PTGER3: variants seen among roughly 807,000 people sequenced by gnomAD.
PTGER3 encodes the protein prostaglandin E2 receptor EP3 subtype.
In PTGER3, 22 loss-of-function variants were observed where a neutral mutation model predicts 34.7. The observed-to-expected ratio is 0.63, with a 90% CI of 0.45 to 0.91. PTGER3 has a LOEUF of 0.91. Among genes scored for constraint, PTGER3 ranks in the 40% least tolerant of loss-of-function variants. PTGER3 has a pLI of 0.00. For missense variants in PTGER3, 468 were observed against 519.4 expected (o/e 0.90, Z 0.96); for synonymous variants, 241 against 230.1 (o/e 1.05, Z -0.43).
intron 1 of PTGER3, among the ~76,000 whole-genome samples, chr1:71,033,309 C>A (rs868760161): frequency 6.6e-6 from 1 of 152,206 alleles, no homozygotes; most frequent in Non-Finnish European, 1.5e-5. Context: ...TCACTCCAAT[C>A]CCAGTTGTCA....
In PTGER3 at chr1:70,867,546, C is replaced by T. The variant is rs909036611; in HGVS notation, c.*24-14687G>A. Among the ~76,000 whole-genome samples, 3 of 152,150 alleles carry T rather than the reference C, an allele frequency of 2.0e-5. 1 individual carries two copies. The South Asian group carries it at 6.2e-4, about 32-fold the overall frequency. ...GACCAGCCTGGCCAACATGGTGAAGCCCCATCTCTACTAAAAATACAAAAA... is the reference window on the plus strand; with the variant it reads ...GACCAGCCTGGCCAACATGGTGAAGTCCCATCTCTACTAAAAATACAAAAA... On this transcript the variant is annotated intron_variant, in intron 4 of 4. Transcript: ENST00000370931.
intron 2 of PTGER3, among the ~76,000 whole-genome samples, chr1:70,988,690 A>T (rs2300165): frequency 0.15 from 23,288 of 152,168 alleles, 2,540 homozygotes; most frequent in East Asian, 0.44. Flanking sequence ...TACATCCAGA[A>T]TTTACATAAA....
At chr1:70,897,673 T>C (rs1315355296) in intron 4 of PTGER3, among the ~76,000 whole-genome samples, 1 of 152,170 alleles carries the variant, frequency 6.6e-6, no homozygotes, top group Admixed American at 6.5e-5. Flanking sequence ...CCAGCCAAGG[T>C]CCATCACTTC....
intron 4 of PTGER3, among the ~76,000 whole-genome samples, chr1:70,913,295 A>G (rs1225578153): frequency 6.6e-6 from 1 of 151,932 alleles, no homozygotes; most frequent in Non-Finnish European, 1.5e-5. Flanking sequence ...AATTTTTAGT[A>G]GTTCATTGCT....
intron 2 of PTGER3, among the ~76,000 whole-genome samples, chr1:70,976,853 A>G (rs1003554152): frequency 1.3e-5 from 2 of 152,134 alleles, no homozygotes; most frequent in Non-Finnish European, 2.9e-5. Flanking sequence ...TCTTGCAGCC[A>G]TAAAGATTTT....
intron 4 of PTGER3, among the ~76,000 whole-genome samples, chr1:70,909,683 T>C (rs1186223575): frequency 6.6e-6 from 1 of 152,128 alleles, no homozygotes; most frequent in African/African-American, 2.4e-5. Context: ...AGATACAGTG[T>C]CTCCCAACTG....
chr1:70,917,403 TTGTG>T (rs59163586), intron 4 of PTGER3, among the ~76,000 whole-genome samples: 18,827 of 136,260 alleles, frequency 0.14, 1,281 homozygotes, highest in South Asian at 0.15. Context: ...GTATTTTATT[TTGTG>T]TGTGTGTGTG....
chr1:70,886,809 CATGA>C (rs746071603), intron 4 of PTGER3, among the ~76,000 whole-genome samples: 1 of 152,162 alleles, frequency 6.6e-6, no homozygotes, highest in Non-Finnish European at 1.5e-5. Flanking sequence ...TGGTTGAATT[CATGA>C]ATGAATGAAT....
At chr1:70,962,582 A>G (rs905930326) in intron 2 of PTGER3, among the ~76,000 whole-genome samples, 2 of 152,210 alleles carry the variant, frequency 1.3e-5, no homozygotes, top group Non-Finnish European at 2.9e-5. Context: ...CATGTCTTAC[A>G]TGGCGGCAGG....
chr1:70,994,947 A>G (rs1655802555), intron 2 of PTGER3, among the ~76,000 whole-genome samples: 1 of 152,142 alleles, frequency 6.6e-6, no homozygotes, highest in Non-Finnish European at 1.5e-5. Flanking sequence ...GGACTGGGAC[A>G]CTAAGATTAA....
At chr1:70,894,079 G>A (rs1472287428) in intron 4 of PTGER3, among the ~76,000 whole-genome samples, 2 of 152,054 alleles carry the variant, frequency 1.3e-5, no homozygotes, top group Non-Finnish European at 2.9e-5. Context: ...AGGCCAAGGT[G>A]GGTGGATCAC....
chr1:70,960,877 C>G (rs1651862212), intron 2 of PTGER3, among the ~76,000 whole-genome samples: 1 of 152,174 alleles, frequency 6.6e-6, no homozygotes, highest in Admixed American at 6.5e-5. Flanking sequence ...CTGCACTCCC[C>G]ACTTCTAGTT....
chr1:70,859,125 C>G (rs115716379), intron 4 of PTGER3, among the ~76,000 whole-genome samples: 1 of 152,148 alleles, frequency 6.6e-6, no homozygotes, highest in Non-Finnish European at 1.5e-5. Context: ...TTCTCACTGT[C>G]CCCCACTTTC....
chr1:70,997,412 T>C (rs890530987), intron 2 of PTGER3, among the ~76,000 whole-genome samples: 1 of 152,234 alleles, frequency 6.6e-6, no homozygotes, highest in African/African-American at 2.4e-5. Flanking sequence ...TTTATTCTTC[T>C]GAAATATGTG....
At chr1:70,998,479 C>T (rs1572893601) in intron 2 of PTGER3, among the ~76,000 whole-genome samples, 1 of 152,138 alleles carries the variant, frequency 6.6e-6, no homozygotes, top group Admixed American at 6.5e-5. Flanking sequence ...ACAACCTAGA[C>T]CCACATGATA....
chr1:70,856,527 T>C (rs966990083), intron 4 of PTGER3, among the ~76,000 whole-genome samples: 5 of 150,168 alleles, frequency 3.3e-5, no homozygotes, highest in African/African-American at 1.2e-4. Context: ...AGGTCACAAA[T>C]GATGATCAAA....
intron 2 of PTGER3, among the ~76,000 whole-genome samples, chr1:70,984,788 G>T (rs1241061191): frequency 1.3e-5 from 2 of 152,030 alleles, no homozygotes; most frequent in African/African-American, 4.8e-5. Context: ...TCACATCTTA[G>T]TTGATAATTT....
intron 2 of PTGER3, chr1:71,007,381 T>C (rs549162060): frequency 2.0e-6 from 2 of 985,582 alleles, no homozygotes; most frequent in Admixed American, 6.2e-5. Context: ...CAAGGAAGAG[T>C]TGGGAAGGAA....
chr1:70,873,631 A>G (rs1451865345), intron 4 of PTGER3, among the ~76,000 whole-genome samples: 1 of 149,586 alleles, frequency 6.7e-6, no homozygotes. Context: ...TAAGTTCTTT[A>G]GTGGCGATAT....
Sources: allele counts gnomAD v4.1 joint callset (sites outside exome capture counted in the v4.1 genomes callset), GRCh38; gene constraint gnomAD v4.1.1; transcripts MANE v1.5; gene names NCBI Gene and HGNC (gene_info 2026-07-23, HGNC 2026-07-21).